Variants in L3MBTL4 observed in about 807,000 individuals in gnomAD.
L3MBTL4 encodes the protein L3MBTL histone methyl-lysine binding protein 4, also known as lethal(3)malignant brain tumor-like protein 4.
Under a neutral mutation model 84.5 loss-of-function variants are expected in L3MBTL4, and 70 were observed. That is an observed-to-expected ratio of 0.83 (90% confidence interval 0.68 to 1.01). The LOEUF (loss-of-function observed/expected upper bound fraction) is 1.01, where lower values mean the gene tolerates loss of function less well. L3MBTL4 is among the 50% of genes least tolerant of loss of function. The pLI, the probability that L3MBTL4 is intolerant of heterozygous loss-of-function variation, is 0.00. For missense variants in L3MBTL4, 715 were observed against 754.8 expected, an observed-to-expected ratio of 0.95 and a Z score of 0.62; for synonymous variants, 274 against 259.8, an observed-to-expected ratio of 1.05 and a Z score of -0.52.
chr18:6,040,017 C>T (rs2056328768), intron 16 of L3MBTL4, among the ~76,000 whole-genome samples: 1 of 152,020 alleles, frequency 6.6e-6, no homozygotes, highest in Non-Finnish European at 1.5e-5. Context: ...AAACTTTTTT[C>T]ATTCTCTCCC....
In L3MBTL4 at chr18:6,059,634, A is replaced by G. The variant is rs969545296; in HGVS notation, c.1444+21247T>C. Among the ~76,000 whole-genome samples the G allele has an allele frequency of 3.3e-5, 5 of 152,128 alleles. No homozygotes were observed. In the South Asian group the frequency reaches 1.0e-3, roughly 32 times the overall value. On this transcript the variant is annotated intron_variant, in intron 16 of 18. Coordinates refer to ENST00000317931, the MANE Select transcript of L3MBTL4 (RefSeq NM_001330559.2). ...AACCAAGCTAAAAAAAAAGCCTGAT[A>G]TCCTAGAAAGGAGACTAAGAGGGCA... is the stretch of plus-strand genomic sequence containing the variant.
At chr18:6,086,583 C>G (rs1314785719) in intron 15 of L3MBTL4, among the ~76,000 whole-genome samples, 1 of 152,126 alleles carries the variant, frequency 6.6e-6, no homozygotes, top group Admixed American at 6.5e-5. Context: ...ATCCCAGATC[C>G]TCTCCATGCC....
chr18:6,370,990 G>A (rs562503754), intron 1 of L3MBTL4, among the ~76,000 whole-genome samples: 8 of 152,240 alleles, frequency 5.3e-5, no homozygotes, highest in South Asian at 2.1e-4. Context: ...AGTCTTAGTC[G>A]CGCCAAGGAG....
At chr18:5,995,357 C>T (rs573699670) in intron 16 of L3MBTL4, among the ~76,000 whole-genome samples, 9 of 152,282 alleles carry the variant, frequency 5.9e-5, no homozygotes, top group South Asian at 4.1e-4. Context: ...GAAGCCATGC[C>T]GGGGGCCAAA....
intron 16 of L3MBTL4, among the ~76,000 whole-genome samples, chr18:6,024,531 C>T: frequency 6.6e-6 from 1 of 152,146 alleles, no homozygotes; most frequent in Non-Finnish European, 1.5e-5. Flanking sequence ...AAATTATAGT[C>T]ACTAAAGCCC....
intron 16 of L3MBTL4, among the ~76,000 whole-genome samples, chr18:5,985,215 C>A (rs1001357660): frequency 6.6e-6 from 1 of 152,020 alleles, no homozygotes; most frequent in African/African-American, 2.4e-5. Flanking sequence ...GAAGCAGAGG[C>A]AAGAATGGGA....
intron 4 of L3MBTL4, among the ~76,000 whole-genome samples, chr18:6,284,582 G>T (rs914701176): frequency 1.3e-5 from 2 of 152,350 alleles, no homozygotes; most frequent in South Asian, 4.1e-4. Flanking sequence ...GCACTGGCCG[G>T]CTGCGCACGC....
chr18:6,226,972 T>A (rs903098404), intron 10 of L3MBTL4, among the ~76,000 whole-genome samples: 1 of 151,906 alleles, frequency 6.6e-6, no homozygotes, highest in African/African-American at 2.4e-5. Flanking sequence ...GGTTAAAAAG[T>A]ATGGAAAAAG....
At chr18:6,120,424 G>A (rs1239836619) in intron 14 of L3MBTL4, among the ~76,000 whole-genome samples, 1 of 152,148 alleles carries the variant, frequency 6.6e-6, no homozygotes, top group Admixed American at 6.5e-5. Flanking sequence ...GCCAGCTTGT[G>A]GAGAAACTTG....
At chr18:6,249,822 C>T (rs1460562092) in intron 5 of L3MBTL4, among the ~76,000 whole-genome samples, 2 of 152,124 alleles carry the variant, frequency 1.3e-5, no homozygotes, top group Non-Finnish European at 2.9e-5. Context: ...CCATTAAATT[C>T]AGTCATAAAA....
intron 16 of L3MBTL4, among the ~76,000 whole-genome samples, chr18:5,983,822 G>C (rs2053346884): frequency 6.6e-6 from 1 of 152,142 alleles, no homozygotes; most frequent in Non-Finnish European, 1.5e-5. Context: ...TCTTTCTGTA[G>C]GCTGATTTCC....
chr18:6,204,274 G>A (rs1032770637), intron 12 of L3MBTL4, among the ~76,000 whole-genome samples: 9 of 152,218 alleles, frequency 5.9e-5, no homozygotes, highest in Non-Finnish European at 1.5e-5. Flanking sequence ...ACACACACAG[G>A]ACTCTAGATG....
At chr18:6,061,060 T>C (rs1341792017) in intron 16 of L3MBTL4, among the ~76,000 whole-genome samples, 1 of 152,176 alleles carries the variant, frequency 6.6e-6, no homozygotes, top group Non-Finnish European at 1.5e-5. Context: ...AAGTCTGTTT[T>C]ACTTTCGTAA....
chr18:6,230,046 C>A (rs1345081451), intron 10 of L3MBTL4, among the ~76,000 whole-genome samples: 1 of 152,122 alleles, frequency 6.6e-6, no homozygotes. Flanking sequence ...TAAGTTGAAT[C>A]TGCTTATATC....
chr18:6,100,687 A>G (rs1348833591), intron 14 of L3MBTL4, among the ~76,000 whole-genome samples: 1 of 152,186 alleles, frequency 6.6e-6, no homozygotes, highest in African/African-American at 2.4e-5. Flanking sequence ...TGTGGAGGTA[A>G]ACATCCTCCC....
intron 13 of L3MBTL4, among the ~76,000 whole-genome samples, chr18:6,144,574 C>G (rs9951968): frequency 0.19 from 29,384 of 152,200 alleles, 3,650 homozygotes; most frequent in African/African-American, 0.35. Flanking sequence ...CATTCACATA[C>G]AATGCATGGT....
At chr18:6,302,916 G>A (rs187836968) in intron 3 of L3MBTL4, among the ~76,000 whole-genome samples, 1 of 152,244 alleles carries the variant, frequency 6.6e-6, no homozygotes, top group Non-Finnish European at 1.5e-5. Context: ...GCTTGAATCT[G>A]GGAGGCGGAG....
rs550009782 is a variant in L3MBTL4 at position 5,967,753 on chromosome 18, C to T, written c.1614+1640G>A. 2.4e-4 allele frequency among the ~76,000 whole-genome samples: 36 copies of T among 152,336 alleles called. No individual in the cohort carries two copies. In the East Asian group the frequency reaches 6.8e-3, roughly 29 times the overall value. On this transcript the variant is annotated intron_variant, in intron 17 of 18. Transcript: ENST00000317931. ...GCATGGAGCCCCAGGCTGCTGCTGG[C>T]AGTGGGCAGAGTGGGAGAAGGCGGG...
chr18:6,296,056 C>G (rs1307886187), intron 4 of L3MBTL4, among the ~76,000 whole-genome samples: 1 of 152,184 alleles, frequency 6.6e-6, no homozygotes, highest in East Asian at 1.9e-4. Context: ...ACAGGTCCCT[C>G]ACAAAGTTTA....
Sources: gnomAD v4.1 joint callset for allele counts (sites outside exome capture counted in the v4.1 genomes callset) on GRCh38, gnomAD v4.1.1 for gene constraint, MANE v1.5 for transcripts, NCBI Gene and HGNC (gene_info 2026-07-23, HGNC 2026-07-21) for gene names.